The following CNKSR2 variants were observed in gnomAD, a reference collection of about 807,000 sequenced individuals.
The protein encoded by CNKSR2 is CNK homolog protein 2.
A neutral mutation model predicts 84.4 loss-of-function variants in CNKSR2; 14 were observed. That is an observed-to-expected ratio of 0.17 (90% CI 0.11 to 0.26). The LOEUF is 0.26. Ranked by LOEUF, CNKSR2 falls within the 10% of genes least tolerant of loss-of-function variation. The pLI is 1.00. For synonymous variants in CNKSR2, 275 were observed against 277.9 expected (o/e 0.99, Z 0.10); for missense variants, 485 against 771.2 (o/e 0.63, Z 4.40).
At chrX:21,545,983 G>A (rs754189415) in intron 11 of CNKSR2, among the ~76,000 whole-genome samples, 2 of 111,341 alleles carry the variant, frequency 1.8e-5, no homozygotes, top group South Asian at 7.7e-4. Context: ...AGCACAAAAG[G>A]CTGAAAATTC....
chrX:21,431,509 G>A (rs2090633478), intron 2 of CNKSR2, among the ~76,000 whole-genome samples: 2 of 111,244 alleles, frequency 1.8e-5, no homozygotes, highest in African/African-American at 6.5e-5. Context: ...GTCAAACTTA[G>A]CCTCCCAGGC....
chrX:21,648,790 C>CTTT (rs760690886), intron 20 of CNKSR2, 41 bp from the exon 21 acceptor site: 13 of 660,460 alleles, frequency 2.0e-5, no homozygotes, highest in South Asian at 3.8e-5. Flanking sequence ...CTCTCTCTCT[C>CTTT]TTTCTTTTTT....
chrX:21,645,730 AAG>A (rs1271511717), intron 20 of CNKSR2: 1 of 111,538 alleles, frequency 9.0e-6, no homozygotes, highest in South Asian at 3.8e-4. Context: ...GGGTTGAAAA[AAG>A]AGAGAAGCCT....
intron 1 of CNKSR2, among the ~76,000 whole-genome samples, chrX:21,383,205 A>G (rs1340154444): frequency 8.9e-6 from 1 of 112,603 alleles, no homozygotes; most frequent in African/African-American, 3.2e-5. Flanking sequence ...ATTCTACAAG[A>G]TGGAATTTTT....
At chrX:21,380,924 A>C (rs1009519121) in intron 1 of CNKSR2, among the ~76,000 whole-genome samples, 3 of 112,181 alleles carry the variant, frequency 2.7e-5, no homozygotes, top group Non-Finnish European at 5.6e-5. Flanking sequence ...ATTTGAAAAA[A>C]ATTGAGTCTA....
intron 13 of CNKSR2, among the ~76,000 whole-genome samples, chrX:21,578,203 A>G (rs749083825): frequency 2.6e-4 from 29 of 111,792 alleles, no homozygotes; most frequent in East Asian, 5.6e-4. Context: ...AAATAGATCA[A>G]TGTTTCAAAC....
At chrX:21,558,151 A>G (rs1297036717) in intron 11 of CNKSR2, among the ~76,000 whole-genome samples, 1 of 111,295 alleles carries the variant, frequency 9.0e-6, no homozygotes, top group Non-Finnish European at 1.9e-5. Flanking sequence ...TGCAGTAGCA[A>G]ACATATTTTC....
chrX:21,459,362 G>C (rs2091033680), intron 4 of CNKSR2, among the ~76,000 whole-genome samples: 1 of 111,677 alleles, frequency 9.0e-6, no homozygotes, highest in South Asian at 3.7e-4. Flanking sequence ...CCTTGCCCCT[G>C]GTTGATAAAT....
intron 3 of CNKSR2, among the ~76,000 whole-genome samples, chrX:21,435,298 T>C (rs2090688179): frequency 9.0e-6 from 1 of 111,133 alleles, no homozygotes; most frequent in Non-Finnish European, 1.9e-5. Context: ...TAAAATACCT[T>C]TCAAGATTAT....
chrX:21,451,771 C>T (rs1474115576), intron 4 of CNKSR2, among the ~76,000 whole-genome samples: 1 of 107,073 alleles, frequency 9.3e-6, no homozygotes, highest in Non-Finnish European at 1.9e-5. Context: ...ATGGGTGCAG[C>T]ACATCAGCAT....
At chrX:21,390,912 A>T (rs201573620) in intron 1 of CNKSR2, among the ~76,000 whole-genome samples, 1 of 112,256 alleles carries the variant, frequency 8.9e-6, no homozygotes, top group Admixed American at 9.4e-5. Context: ...AAATACACCC[A>T]TTCCAAAAGG....
chrX:21,414,049 C>A (rs1329052346), intron 1 of CNKSR2, among the ~76,000 whole-genome samples: 1 of 111,507 alleles, frequency 9.0e-6, no homozygotes, highest in South Asian at 3.7e-4. Flanking sequence ...AGATATCTTA[C>A]TGATATCCTG....
intron 10 of CNKSR2, 78 bp downstream of exon 10, chrX:21,527,078 C>A: frequency 1.1e-6 from 1 of 877,916 alleles, no homozygotes; most frequent in Non-Finnish European, 1.6e-6. Flanking sequence ...AAAGTCAATT[C>A]TGAAGGAACA....
intron 13 of CNKSR2, among the ~76,000 whole-genome samples, chrX:21,566,350 A>C (rs2092238496): frequency 8.9e-6 from 1 of 112,252 alleles, no homozygotes; most frequent in Non-Finnish European, 1.9e-5. Context: ...ATAGCTTTTT[A>C]TATTTCACAG....
At chrX:21,425,281 C>T (rs755255111) in intron 1 of CNKSR2, 1 of 111,605 alleles carries the variant, frequency 9.0e-6, no homozygotes, top group Non-Finnish European at 1.9e-5. Context: ...CCAGTGAGAA[C>T]ATTTCAGCCC....
chrX:21,496,462 G>C (rs1214367412), intron 6 of CNKSR2, among the ~76,000 whole-genome samples: 2 of 111,338 alleles, frequency 1.8e-5, no homozygotes, highest in Non-Finnish European at 3.8e-5. Context: ...CTTTTGTTAA[G>C]GTTATTTGTT....
chrX:21,426,264 G>A (rs2090563017), intron 1 of CNKSR2: 2 of 353,233 alleles, frequency 5.7e-6, no homozygotes, highest in South Asian at 6.3e-5. Flanking sequence ...TTTCCAGTAC[G>A]TGCTGAGGAA....
intron 20 of CNKSR2, among the ~76,000 whole-genome samples, chrX:21,621,691 C>T (rs1218019261): frequency 9.0e-6 from 1 of 110,876 alleles, no homozygotes; most frequent in Non-Finnish European, 1.9e-5. Flanking sequence ...ATTACAGTAT[C>T]TTTATTCATA....
chrX:21,639,042 A>C (rs1184247626), intron 20 of CNKSR2, among the ~76,000 whole-genome samples: 1 of 112,028 alleles, frequency 8.9e-6, no homozygotes, highest in African/African-American at 3.2e-5. Flanking sequence ...GAATAAAATT[A>C]GTCTGTATAA....
Sources: gnomAD v4.1 joint callset for allele counts (sites outside exome capture counted in the v4.1 genomes callset) on GRCh38, gnomAD v4.1.1 for gene constraint, MANE v1.5 for transcripts, NCBI Gene and HGNC (gene_info 2026-07-23, HGNC 2026-07-21) for gene names.